DPP10: variants seen among roughly 807,000 people sequenced by gnomAD.
The protein encoded by DPP10 is dipeptidyl peptidase like 10.
In DPP10, 33 loss-of-function variants were observed where a neutral mutation model predicts 120.9. The observed-to-expected ratio is 0.27, with a 90% confidence interval of 0.21 to 0.37. The LOEUF (loss-of-function observed/expected upper bound fraction) is 0.37. DPP10 is among the 10% of genes least tolerant of loss of function. The pLI is 1.00. For missense variants in DPP10, 816 were observed against 942.8 expected, an observed-to-expected ratio of 0.87 and a Z score of 1.76; for synonymous variants, 337 against 326.1, an observed-to-expected ratio of 1.03 and a Z score of -0.36.
At chr2:114,812,855 G>C (rs550789036) in intron 1 of DPP10, among the ~76,000 whole-genome samples, 15 of 152,192 alleles carry the variant, frequency 9.9e-5, no homozygotes, top group African/African-American at 3.1e-4. Flanking sequence ...TGGTTTTGGG[G>C]TTACATAGGC....
At chr2:115,024,805 A>G (rs1363595652) in intron 1 of DPP10, among the ~76,000 whole-genome samples, 1 of 147,702 alleles carries the variant, frequency 6.8e-6, no homozygotes, top group Non-Finnish European at 1.5e-5. Flanking sequence ...GTGTATACAT[A>G]TATATGTTTA....
chr2:115,116,994 G>A (rs572673043), intron 1 of DPP10, among the ~76,000 whole-genome samples: 1 of 152,178 alleles, frequency 6.6e-6, no homozygotes, highest in East Asian at 1.9e-4. Context: ...TCCATTTGCT[G>A]TATCTTTTTA....
At chr2:115,371,306 A>G (rs1450156175) in intron 3 of DPP10, among the ~76,000 whole-genome samples, 1 of 152,162 alleles carries the variant, frequency 6.6e-6, no homozygotes, top group Non-Finnish European at 1.5e-5. Flanking sequence ...TTTAAGTATA[A>G]TACAACTGGA....
At chr2:115,631,117 T>G (rs1246913115) in intron 5 of DPP10, among the ~76,000 whole-genome samples, 1 of 149,016 alleles carries the variant, frequency 6.7e-6, no homozygotes, top group Non-Finnish European at 1.5e-5. Context: ...ATTGGACTAT[T>G]CAAGGATTCA....
At chr2:114,621,949 C>A (rs546848518) in intron 1 of DPP10, among the ~76,000 whole-genome samples, 9 of 151,730 alleles carry the variant, frequency 5.9e-5, no homozygotes, top group African/African-American at 1.9e-4. Context: ...TGGCAGGGCA[C>A]AAAGAAATGA....
At chr2:114,580,253 C>G (rs958662773) in intron 1 of DPP10, among the ~76,000 whole-genome samples, 1 of 152,134 alleles carries the variant, frequency 6.6e-6, no homozygotes, top group African/African-American at 2.4e-5. Flanking sequence ...CTTGGTTTGA[C>G]TGATTAATTG....
rs1264193639 is a variant in DPP10 at position 114,445,593 on chromosome 2, T to G, written c.60+2755T>G. Among the ~76,000 whole-genome samples, 7 of 148,960 alleles carry G rather than the reference T, an allele frequency of 4.7e-5. 1 individual carries two copies. The highest frequency in any genetic ancestry group is 1.7e-4 in the African/African-American group (7 of 40,426). ...GTGTGTGTGTGTGTTCTCCTCCACT[T>G]GAAGTTCAAGAAGTGATGAAGTCTA... On this transcript the variant is annotated intron_variant, in intron 1 of 25. Transcript: ENST00000410059.
rs960200294 is a variant in DPP10, at chr2:115,473,266, A to G, written c.272-26244A>G. Among the ~76,000 whole-genome samples, 193 of 152,300 alleles carry G rather than the reference A, an allele frequency of 1.3e-3. 2 individuals carry two copies. Among genetic ancestry groups the G allele is most frequent in the African/African-American group, 4.6e-3 (190 of 41,572 alleles). The stretch of plus-strand genomic sequence containing the variant: ...GATTTGATTTATTTGAGCCAGGGTT[A>G]GTAAGTTCAACTTCTACTGGTTTCT... On this transcript the variant is annotated intron_variant, in intron 3 of 25. Coordinates refer to ENST00000410059, the MANE Select transcript of DPP10 (RefSeq NM_020868.6).
intron 1 of DPP10, among the ~76,000 whole-genome samples, chr2:114,895,067 A>G (rs1217695181): frequency 2.0e-5 from 3 of 152,184 alleles, no homozygotes; most frequent in African/African-American, 7.2e-5. Flanking sequence ...TACTTCCTAT[A>G]TAGTTGTTGA....
At chr2:115,777,941 A>G (rs1044256899) in intron 15 of DPP10, 107 bp downstream of exon 15, 1 of 1,101,876 alleles carries the variant, frequency 9.1e-7, no homozygotes. Flanking sequence ...CAACATGGCT[A>G]GGAAGAGCCA....
chr2:115,113,612 A>G (rs2049344530), intron 1 of DPP10, among the ~76,000 whole-genome samples: 1 of 152,090 alleles, frequency 6.6e-6, no homozygotes, highest in Non-Finnish European at 1.5e-5. Context: ...TACTTACATA[A>G]AGGTGGAAGA....
chr2:115,565,364 A>C (rs2080935792), intron 5 of DPP10, among the ~76,000 whole-genome samples: 1 of 152,320 alleles, frequency 6.6e-6, no homozygotes, highest in African/African-American at 2.4e-5. Flanking sequence ...CCAACTGAGA[A>C]TAAGTTGCCC....
intron 1 of DPP10, among the ~76,000 whole-genome samples, chr2:114,664,544 A>G (rs1295382543): frequency 6.7e-6 from 1 of 150,054 alleles, no homozygotes; most frequent in African/African-American, 2.4e-5. Flanking sequence ...CAGGAGAATC[A>G]CTTAAACCAG....
intron 1 of DPP10, among the ~76,000 whole-genome samples, chr2:114,552,365 C>T (rs1687953105): frequency 6.6e-6 from 1 of 152,142 alleles, no homozygotes; most frequent in Admixed American, 6.5e-5. Flanking sequence ...TATTTTCCGG[C>T]TGTCTAGTCC....
chr2:114,530,733 A>C (rs2104731962), intron 1 of DPP10, among the ~76,000 whole-genome samples: 1 of 152,292 alleles, frequency 6.6e-6, no homozygotes, highest in African/African-American at 2.4e-5. Context: ...GTCTACAATG[A>C]GATAGTCAAA....
chr2:114,575,836 G>A (rs1460365468), intron 1 of DPP10, among the ~76,000 whole-genome samples: 1 of 152,084 alleles, frequency 6.6e-6, no homozygotes, highest in African/African-American at 2.4e-5. Flanking sequence ...GGTAGGCAAT[G>A]TTTCATTCCA....
intron 1 of DPP10, among the ~76,000 whole-genome samples, chr2:114,738,058 A>G (rs1050664070): frequency 9.2e-5 from 14 of 152,190 alleles, no homozygotes; most frequent in African/African-American, 3.4e-4. Flanking sequence ...TCACATGGCC[A>G]GAGCAGGAGA....
At chr2:115,518,071 T>C (rs1350765232) in intron 4 of DPP10, among the ~76,000 whole-genome samples, 1 of 152,148 alleles carries the variant, frequency 6.6e-6, no homozygotes, top group Non-Finnish European at 1.5e-5. Flanking sequence ...AGGCTCTTTT[T>C]AACAACCAGC....
At chr2:114,820,921 G>A (rs955412453) in intron 1 of DPP10, among the ~76,000 whole-genome samples, 12 of 152,164 alleles carry the variant, frequency 7.9e-5, no homozygotes, top group Non-Finnish European at 1.2e-4. Context: ...AGGAACACCC[G>A]GTTCTTCATC....
Sources: allele counts gnomAD v4.1 joint callset (sites outside exome capture counted in the v4.1 genomes callset), GRCh38; gene constraint gnomAD v4.1.1; transcripts MANE v1.5; gene names NCBI Gene and HGNC (gene_info 2026-07-23, HGNC 2026-07-21).